The following DMXL1 variants were observed in gnomAD, a reference collection of about 807,000 sequenced individuals.
The protein encoded by DMXL1 is dmX-like protein 1.
A neutral mutation model predicts 319.2 loss-of-function variants in DMXL1; 99 were observed. That is an observed-to-expected ratio of 0.31 (90% confidence interval 0.26 to 0.37). DMXL1 has a LOEUF of 0.37. Among genes scored for constraint, DMXL1 ranks in the 10% least tolerant of loss-of-function variants. DMXL1 has a pLI of 1.00. For missense variants in DMXL1, 3,745 were observed against 3,595.6 expected, an observed-to-expected ratio of 1.04 and a Z score of -1.06; for synonymous variants, 1,385 against 1,235.2, an observed-to-expected ratio of 1.12 and a Z score of -2.54.
chr5:119,166,519 C>T, intron 21 of DMXL1, 97 bp from the exon 22 acceptor site: 3 of 1,043,058 alleles, frequency 2.9e-6, no homozygotes, highest in Non-Finnish European at 2.8e-6. Context: ...GCAGATGTTT[C>T]TATTTAGACT....
rs367735539 is a variant in DMXL1, at chr5:119,119,895, T to G, written c.933+891T>G. ...GTGGGGGAGTTGTTTTGTTGTTGTT[T>G]TTTGAGACAGAGTCTCTGTCTGTCA... On this transcript the variant is annotated intron_variant, in intron 8 of 43. Coordinates refer to ENST00000539542, the MANE Select transcript of DMXL1 (RefSeq NM_001290321.3). Among the ~76,000 whole-genome samples, 146 of 152,102 alleles carry G rather than the reference T, an allele frequency of 9.6e-4. 3 individuals carry two copies. The South Asian group carries it at 0.028, about 29-fold the overall frequency.
intron 28 of DMXL1, among the ~76,000 whole-genome samples, chr5:119,184,059 C>CTTTTTTTTTTT (rs1404022848): frequency 0.03 from 4,149 of 139,900 alleles, 233 homozygotes; most frequent in African/African-American, 0.098. Context: ...GTTTTCTTCT[C>CTTTTTTTTTTT]TTTTTTTTTT....
intron 34 of DMXL1, among the ~76,000 whole-genome samples, chr5:119,213,910 T>C (rs1353918110): frequency 1.3e-5 from 2 of 152,214 alleles, no homozygotes; most frequent in Non-Finnish European, 2.9e-5. Context: ...TCACTTAGTT[T>C]CCATAATATC....
At chr5:119,239,179 T>TG (rs1788303117) in intron 41 of DMXL1, 99 bp downstream of exon 41, 1 of 1,217,114 alleles carries the variant, frequency 8.2e-7, no homozygotes, top group Admixed American at 2.1e-5. Context: ...CTTATGGCTT[T>TG]AGATACAGTA....
intron 42 of DMXL1, among the ~76,000 whole-genome samples, chr5:119,243,456 A>G (rs1417815560): frequency 6.6e-6 from 1 of 152,166 alleles, no homozygotes; most frequent in Non-Finnish European, 1.5e-5. Flanking sequence ...CTAACTCCAG[A>G]ATCCTCACTG....
intron 34 of DMXL1, among the ~76,000 whole-genome samples, chr5:119,215,664 G>T (rs1783552960): frequency 6.6e-6 from 1 of 151,984 alleles, no homozygotes; most frequent in Admixed American, 6.6e-5. Context: ...TGCATATTCT[G>T]ATCCATTCTG....
chr5:119,120,415 C>G (rs565100957), intron 8 of DMXL1, among the ~76,000 whole-genome samples: 3 of 152,336 alleles, frequency 2.0e-5, no homozygotes, highest in African/African-American at 7.2e-5. Flanking sequence ...CCTGCCTCTT[C>G]TTAGCTAGAT....
intron 7 of DMXL1, among the ~76,000 whole-genome samples, 158 bp downstream of exon 7, chr5:119,116,494 G>A (rs1362209921): frequency 2.0e-5 from 3 of 152,294 alleles, no homozygotes; most frequent in Admixed American, 1.3e-4. Context: ...ATCTCTGGCT[G>A]TGGCTCAACT....
At position 119,134,319 on chromosome 5, in the gene DMXL1, A is replaced by G. The variant is rs1404063910; in HGVS notation, c.2306A>G (p.Tyr769Cys). The G allele has an allele frequency of 6.2e-7, 1 of 1,614,002 alleles. No homozygotes were observed. Among genetic ancestry groups the G allele is most frequent in the South Asian group, 1.1e-5 (1 of 91,050 alleles). ...TGCTTTGTAGCCAGTGATGGACAAT[A>G]TCTGAGATTATATGAAGCAGTTATT... ...SACFVASDGQ[Y>C]LRLYEAVIDA... Residue 769 changes from tyrosine to cysteine, a missense_variant, in exon 13 of 44, where the codon TAT becomes TGT. By Grantham distance (194) the Tyr-to-Cys change is radical. Coordinates refer to ENST00000539542, the MANE Select transcript of DMXL1 (RefSeq NM_001290321.3).
At chr5:119,172,659 A>T (rs1581147645) in intron 25 of DMXL1, among the ~76,000 whole-genome samples, 1 of 152,156 alleles carries the variant, frequency 6.6e-6, no homozygotes, top group South Asian at 2.1e-4. Flanking sequence ...GTCATATTTT[A>T]TCTTTACTTT....
At chr5:119,099,493 C>G (rs1354039247) in intron 2 of DMXL1, among the ~76,000 whole-genome samples, 2 of 152,178 alleles carry the variant, frequency 1.3e-5, no homozygotes, top group African/African-American at 4.8e-5. Context: ...ACGTGAGCCA[C>G]TGCGCCCAGC....
At chr5:119,091,639 C>A (rs1222449825) in intron 1 of DMXL1, among the ~76,000 whole-genome samples, 1 of 152,172 alleles carries the variant, frequency 6.6e-6, no homozygotes, top group African/African-American at 2.4e-5. Context: ...GCCACTGCCC[C>A]TTTTTAGGCT....
chr5:119,081,719 G>A (rs542616247), intron 1 of DMXL1: 315 of 985,248 alleles, frequency 3.2e-4, no homozygotes, highest in African/African-American at 1.1e-3. Flanking sequence ...TAACCTTTTC[G>A]TTTTAACTAA....
At chr5:119,138,958 A>G (rs1473257966) in intron 13 of DMXL1, 2 of 152,252 alleles carry the variant, frequency 1.3e-5, no homozygotes, top group Non-Finnish European at 2.9e-5. Flanking sequence ...GAAGTGTTCC[A>G]TATTTCTCCA....
chr5:119,131,224 A>T (rs1048524788), intron 10 of DMXL1, among the ~76,000 whole-genome samples: 1 of 151,510 alleles, frequency 6.6e-6, no homozygotes, highest in African/African-American at 2.4e-5. Flanking sequence ...GTCAAAACTT[A>T]AAAAAAATAT....
chr5:119,247,199 G>C lies in DMXL1; in HGVS notation c.9127G>C (p.Asp3043His). 6.2e-7 allele frequency: 1 copy of C among 1,612,502 alleles called. No homozygotes were observed. Among genetic ancestry groups the C allele is most frequent in the Non-Finnish European group, 8.5e-7 (1 of 1,178,964 alleles). Residue 3043 changes from aspartate to histidine, a missense_variant, in exon 44 of 44, where the codon GAT (aspartate) becomes CAT (histidine). Asp to His is a moderately conservative substitution (Grantham distance 81). Around this residue, in one of 4 missense-constraint regions of DMXL1, gnomAD observed 262 missense variants for 320.5 expected, o/e 0.82. Coordinates refer to ENST00000539542, the MANE Select transcript of DMXL1 (RefSeq NM_001290321.3). ...CCCTTTAAATGAAGTGTTGAAAAATGATGTGAAATTTATGCTATAACATTT... is the reference window on the plus strand; with the variant it reads ...CCCTTTAAATGAAGTGTTGAAAAATCATGTGAAATTTATGCTATAACATTT... ...FSPLNEVLKN[D>H]VKFML is the part of the protein sequence containing the mutation.
chr5:119,176,292 T>G (rs960627956), intron 26 of DMXL1, among the ~76,000 whole-genome samples: 1 of 152,064 alleles, frequency 6.6e-6, no homozygotes, highest in Non-Finnish European at 1.5e-5. Context: ...TTGTTGAGTT[T>G]GTTATTTCTT....
At position 119,071,354 on chromosome 5, in the gene DMXL1, C is replaced by T. The variant is rs1181560464; in HGVS notation, c.-216C>T. 3.1e-5 allele frequency: 17 copies of T among 546,204 alleles called. 1 individual carries two copies. Among genetic ancestry groups the T allele is most frequent in the South Asian group, 2.6e-4 (12 of 46,828 alleles). The allele number at this position is 546,204 out of a possible 1,614,324, so 33.8% of individuals were successfully genotyped here. On this transcript the variant is annotated 5_prime_UTR_variant, in exon 1 of 44. Coordinates refer to ENST00000539542, the MANE Select transcript of DMXL1 (RefSeq NM_001290321.3). ...GTGCGCGAAGGAGCGCGGCGCTCCG[C>T]CCTCTCGCCGACCCGCCCCCTCCGG... is the stretch of plus-strand genomic sequence containing the variant.
intron 7 of DMXL1, 70 bp downstream of exon 7, chr5:119,116,406 C>CA: frequency 6.6e-7 from 1 of 1,504,506 alleles, no homozygotes; most frequent in Non-Finnish European, 9.1e-7. Flanking sequence ...TTGCTTCTCT[C>CA]ACTTTTGAGA....
Sources: allele counts gnomAD v4.1 joint callset (sites outside exome capture counted in the v4.1 genomes callset), GRCh38; gene constraint gnomAD v4.1.1; regional missense constraint gnomAD v4.1.1; transcripts MANE v1.5; gene names NCBI Gene and HGNC (gene_info 2026-07-23, HGNC 2026-07-21).